Variants in HECA observed in about 807,000 individuals in gnomAD.
HECA encodes headcase protein homolog.
A neutral mutation model predicts 37.6 loss-of-function variants in HECA; 13 were observed. The ratio of observed to expected loss-of-function variants is 0.35; its 90% CI spans 0.23 to 0.55. HECA has a LOEUF of 0.55. HECA is among the 20% of genes least tolerant of loss of function. The pLI, the probability that HECA is intolerant of heterozygous loss-of-function variation, is 0.90. For missense variants in HECA, 527 were observed against 701.9 expected (o/e 0.75, Z 2.82); for synonymous variants, 307 against 291.5 (o/e 1.05, Z -0.54).
intron 1 of HECA, among the ~76,000 whole-genome samples, chr6:139,160,833 G>C (rs1348185947): frequency 1.3e-5 from 2 of 152,178 alleles, no homozygotes; most frequent in Non-Finnish European, 2.9e-5. Context: ...AATTATGGTA[G>C]CATATAAGCA....
chr6:139,135,891 C>G (rs957991624), intron 1 of HECA, among the ~76,000 whole-genome samples: 3 of 151,738 alleles, frequency 2.0e-5, no homozygotes, highest in Non-Finnish European at 4.4e-5. Flanking sequence ...CAGCCCGCGC[C>G]CCACACTCTG....
chr6:139,159,353 T>G (rs1774763687), intron 1 of HECA: 1 of 152,148 alleles, frequency 6.6e-6, no homozygotes, highest in South Asian at 2.1e-4. Context: ...TAATCAGCGA[T>G]CTAATAAAAC....
intron 2 of HECA, among the ~76,000 whole-genome samples, chr6:139,172,254 G>A (rs1217804720): frequency 2.0e-5 from 3 of 152,208 alleles, no homozygotes; most frequent in Non-Finnish European, 4.4e-5. Context: ...ATGAGCCACT[G>A]TGCCTAGCCT....
At chr6:139,168,858 T>C (rs1396306763) in intron 2 of HECA, among the ~76,000 whole-genome samples, 2 of 152,248 alleles carry the variant, frequency 1.3e-5, no homozygotes, top group African/African-American at 4.8e-5. Context: ...TTCTAAGTTA[T>C]ACATATTTTC....
At chr6:139,136,934 A>G (rs1774455429) in intron 1 of HECA, among the ~76,000 whole-genome samples, 1 of 152,188 alleles carries the variant, frequency 6.6e-6, no homozygotes, top group Non-Finnish European at 1.5e-5. Flanking sequence ...ACGCCCAGCC[A>G]GATCAGGCAC....
chr6:139,150,651 A>G (rs1384679466), intron 1 of HECA, among the ~76,000 whole-genome samples: 1 of 151,882 alleles, frequency 6.6e-6, no homozygotes, highest in Non-Finnish European at 1.5e-5. Context: ...TAATAGTAGA[A>G]AGTAAGTTTT....
Position 139,146,919 on chromosome 6 carries a change from A to G in HECA, c.271+11252A>G, listed in dbSNP as rs3777681. The stretch of plus-strand genomic sequence containing the variant: ...GGTGATGTGCTGTAGTGCAGAAGCA[A>G]ATTAGGCAAGACTCCTGGGTGATTG... On this transcript the variant is annotated intron_variant, in intron 1 of 3. Transcript: ENST00000367658. Among the ~76,000 whole-genome samples the G allele has an allele frequency of 7.7e-3, 1,170 of 152,298 alleles. 89 individuals are homozygous for G. The East Asian group carries it at 0.17, about 23-fold the overall frequency.
intron 1 of HECA, among the ~76,000 whole-genome samples, chr6:139,143,845 G>A (rs1360852623): frequency 7.3e-6 from 1 of 137,268 alleles, no homozygotes; most frequent in Non-Finnish European, 1.5e-5. Flanking sequence ...TGGTGACAGA[G>A]CGAGACTCTG....
At chr6:139,145,475 CAT>C (rs1323417488) in intron 1 of HECA, among the ~76,000 whole-genome samples, 1 of 152,166 alleles carries the variant, frequency 6.6e-6, no homozygotes, top group Non-Finnish European at 1.5e-5. Context: ...TCAATGTAGT[CAT>C]ATAATTGCTT....
At chr6:139,150,114 T>C (rs947409424) in intron 1 of HECA, among the ~76,000 whole-genome samples, 4 of 152,240 alleles carry the variant, frequency 2.6e-5, no homozygotes, top group Admixed American at 6.5e-5. Context: ...GAAGTTTGCA[T>C]GTTGTTGTAA....
chr6:139,174,774 G>T (rs563385990), intron 3 of HECA, among the ~76,000 whole-genome samples: 2 of 152,104 alleles, frequency 1.3e-5, no homozygotes, highest in East Asian at 3.9e-4. Flanking sequence ...AAAAGAACAG[G>T]TTATAAAATG....
chr6:139,157,894 G>T (rs1053607191), intron 1 of HECA, among the ~76,000 whole-genome samples: 1 of 152,150 alleles, frequency 6.6e-6, no homozygotes, highest in African/African-American at 2.4e-5. Context: ...TAATAACACT[G>T]AAGTGCCCAA....
chr6:139,161,942 C>T (rs1240123893), intron 1 of HECA, among the ~76,000 whole-genome samples: 1 of 152,208 alleles, frequency 6.6e-6, no homozygotes, highest in Non-Finnish European at 1.5e-5. Flanking sequence ...CACTCTTCTA[C>T]TTCTTTTTGT....
intron 1 of HECA, among the ~76,000 whole-genome samples, chr6:139,153,866 A>G (rs1774682696): frequency 6.6e-6 from 1 of 152,202 alleles, no homozygotes; most frequent in Admixed American, 6.5e-5. Flanking sequence ...ATACATATAA[A>G]CTTTTAAATT....
chr6:139,138,486 G>A (rs74673136), intron 1 of HECA, among the ~76,000 whole-genome samples: 147 of 152,204 alleles, frequency 9.7e-4, no homozygotes, highest in African/African-American at 3.4e-3. Context: ...TAATGACTTC[G>A]CTTAAAATTA....
Position 139,135,330 on chromosome 6 carries a change from G to T in HECA, c.-67G>T. 1.7e-6 allele frequency: 2 copies of T among 1,195,754 alleles called. No individual in the cohort carries two copies. Among genetic ancestry groups the T allele is most frequent in the Non-Finnish European group, 2.1e-6 (2 of 935,724 alleles). The allele number at this position is 1,195,754 out of a possible 1,614,324, so 74.1% of individuals were successfully genotyped here. On this transcript the variant is annotated 5_prime_UTR_variant, in exon 1 of 4. Coordinates refer to ENST00000367658, the MANE Select transcript of HECA (RefSeq NM_016217.3). Reference sequence around the variant, plus strand: ...CGGAGCCGGCTTCACGCAGGGCCGGGAACGGCCGTGCCTCTGGGATCCGCC... The same window carrying T: ...CGGAGCCGGCTTCACGCAGGGCCGGTAACGGCCGTGCCTCTGGGATCCGCC...
intron 1 of HECA, among the ~76,000 whole-genome samples, chr6:139,141,519 T>G (rs1774512061): frequency 6.6e-6 from 1 of 152,180 alleles, no homozygotes; most frequent in Admixed American, 6.5e-5. Flanking sequence ...GTTAATTTGT[T>G]TCTGCTGCCA....
intron 1 of HECA, among the ~76,000 whole-genome samples, chr6:139,147,736 T>TA (rs1397185718): frequency 6.6e-6 from 1 of 152,234 alleles, no homozygotes; most frequent in Non-Finnish European, 1.5e-5. Context: ...CTGATCCTTC[T>TA]ATCACAGAAG....
intron 1 of HECA, among the ~76,000 whole-genome samples, chr6:139,158,100 T>C (rs1052160405): frequency 6.6e-6 from 1 of 152,204 alleles, no homozygotes. Context: ...CTCACACCTA[T>C]GATCCCAGCA....
Sources: allele counts gnomAD v4.1 joint callset (sites outside exome capture counted in the v4.1 genomes callset), GRCh38; gene constraint gnomAD v4.1.1; transcripts MANE v1.5; gene names NCBI Gene and HGNC (gene_info 2026-07-23, HGNC 2026-07-21).